SPATA16: variants seen among roughly 807,000 people sequenced by gnomAD.
SPATA16 encodes spermatogenesis-associated protein 16.
Under a neutral mutation model 63.3 loss-of-function variants are expected in SPATA16, and 36 were observed. That is an observed-to-expected ratio of 0.57 (90% CI 0.44 to 0.75). The LOEUF is 0.75. SPATA16 is among the 30% of genes least tolerant of loss of function. The pLI is 0.00. For missense variants in SPATA16, 646 were observed against 679.3 expected (o/e 0.95, Z 0.54); for synonymous variants, 203 against 216.7 (o/e 0.94, Z 0.56).
At chr3:173,046,226 T>C (rs1284396873) in intron 3 of SPATA16, among the ~76,000 whole-genome samples, 1 of 152,064 alleles carries the variant, frequency 6.6e-6, no homozygotes, top group Non-Finnish European at 1.5e-5. Context: ...AGATTGAATG[T>C]ATTAGGAGAG....
chr3:173,030,085 TC>T (rs1241581127), intron 3 of SPATA16, among the ~76,000 whole-genome samples: 3 of 151,348 alleles, frequency 2.0e-5, no homozygotes, highest in African/African-American at 7.3e-5. Flanking sequence ...TATCTATCTA[TC>T]TATCTATCTA....
chr3:173,132,744 G>T (rs1472553413), intron 1 of SPATA16, among the ~76,000 whole-genome samples: 1 of 152,090 alleles, frequency 6.6e-6, no homozygotes, highest in African/African-American at 2.4e-5. Flanking sequence ...ACAAATTAAT[G>T]TAACAAAAAA....
At chr3:173,097,612 C>T (rs914856727) in intron 2 of SPATA16, among the ~76,000 whole-genome samples, 16 of 152,090 alleles carry the variant, frequency 1.1e-4, no homozygotes, top group African/African-American at 3.9e-4. Context: ...CAACATGTTG[C>T]GTCAGCAAGC....
At chr3:172,902,453 C>T (rs1362809736) in intron 10 of SPATA16, among the ~76,000 whole-genome samples, 2 of 152,158 alleles carry the variant, frequency 1.3e-5, no homozygotes, top group Admixed American at 1.3e-4. Flanking sequence ...ATGATTTTGA[C>T]CCCTGTGCCT....
intron 3 of SPATA16, among the ~76,000 whole-genome samples, chr3:173,023,724 T>C (rs1318778474): frequency 6.6e-6 from 1 of 151,742 alleles, no homozygotes. Context: ...GAAGTTTTAC[T>C]AATTACTTGT....
intron 2 of SPATA16, among the ~76,000 whole-genome samples, chr3:173,100,539 A>T (rs1287703855): frequency 2.0e-5 from 3 of 152,058 alleles, no homozygotes; most frequent in Non-Finnish European, 4.4e-5. Context: ...TTGGCATTTT[A>T]AAATATTTAT....
rs145538733 is a variant in SPATA16 at position 173,064,432 on chromosome 3, C to A, written c.613-15338G>T. ...TCCCAGCTTTCATGTACATTTATAG[C>A]AGTATTAAGTATTTTGGCACAAACT... On this transcript the variant is annotated intron_variant, in intron 2 of 10. Coordinates refer to ENST00000351008, the MANE Select transcript of SPATA16 (RefSeq NM_031955.6). Among the ~76,000 whole-genome samples, 823 of 151,214 alleles carry A rather than the reference C, an allele frequency of 5.4e-3. 1 individual carries two copies. The highest frequency in any genetic ancestry group is 8.9e-3 in the Non-Finnish European group (605 of 67,930).
chr3:172,985,471 G>C (rs1262967599), intron 4 of SPATA16, among the ~76,000 whole-genome samples: 1 of 152,078 alleles, frequency 6.6e-6, no homozygotes, highest in South Asian at 2.1e-4. Flanking sequence ...TTCCAATTGG[G>C]CTATCAATAT....
At chr3:172,938,465 T>G (rs1218968032) in intron 6 of SPATA16, among the ~76,000 whole-genome samples, 3 of 152,130 alleles carry the variant, frequency 2.0e-5, no homozygotes, top group Non-Finnish European at 4.4e-5. Context: ...AAAGTCTTAA[T>G]ACAGCACTAT....
At chr3:172,991,436 C>T (rs17759674) in intron 4 of SPATA16, among the ~76,000 whole-genome samples, 9,230 of 152,106 alleles carry the variant, frequency 0.061, 389 homozygotes, top group Non-Finnish European at 0.085. Flanking sequence ...GAACTTTTCC[C>T]CTAAGAGTCT....
intron 2 of SPATA16, among the ~76,000 whole-genome samples, chr3:173,113,847 C>A (rs1737813694): frequency 6.6e-6 from 1 of 152,234 alleles, no homozygotes; most frequent in South Asian, 2.1e-4. Context: ...CCTCTACACA[C>A]TCTTACAGCT....
At chr3:172,892,369 G>A (rs1467141812) in intron 10 of SPATA16, among the ~76,000 whole-genome samples, 1 of 152,146 alleles carries the variant, frequency 6.6e-6, no homozygotes, top group African/African-American at 2.4e-5. Flanking sequence ...TATTAAAAGA[G>A]GGTTGGCCTG....
intron 2 of SPATA16, among the ~76,000 whole-genome samples, chr3:173,090,985 G>C (rs1434415937): frequency 6.6e-6 from 1 of 151,948 alleles, no homozygotes; most frequent in South Asian, 2.1e-4. Flanking sequence ...TCTTAATGTT[G>C]GTTTCAGGCC....
intron 3 of SPATA16, among the ~76,000 whole-genome samples, chr3:173,031,900 C>A (rs984013592): frequency 2.7e-4 from 41 of 152,132 alleles, no homozygotes; most frequent in African/African-American, 9.9e-4. Flanking sequence ...AGAAAAAGAA[C>A]TGCTTTACAA....
At chr3:173,116,201 T>TC (rs1363370455) in intron 2 of SPATA16, among the ~76,000 whole-genome samples, 3 of 152,148 alleles carry the variant, frequency 2.0e-5, no homozygotes. Context: ...CTTTATGGCA[T>TC]CTTTATTTAA....
In SPATA16 at chr3:172,944,626, A is replaced by G. The variant is rs148409938; in HGVS notation, c.1081+12051T>C. On this transcript the variant is annotated intron_variant, in intron 6 of 10. Coordinates refer to ENST00000351008, the MANE Select transcript of SPATA16 (RefSeq NM_031955.6). ...TGGAAAAATAGATAAACAAAATGTG[A>G]TATACACATACAATGGAATATTATT... Among the ~76,000 whole-genome samples the G allele has an allele frequency of 3.1e-3, 467 of 152,368 alleles. 1 individual carries two copies. The highest frequency in any genetic ancestry group is 4.6e-3 in the Non-Finnish European group (310 of 68,028).
intron 2 of SPATA16, among the ~76,000 whole-genome samples, chr3:173,069,112 G>GAAAAAAAGAAAAAAAAAA: frequency 9.2e-6 from 1 of 109,180 alleles, no homozygotes; most frequent in African/African-American, 3.7e-5. Context: ...TCCGTCTCAA[G>GAAAAAAAGAAAAAAAAAA]AAAAAAAAAA....
chr3:172,946,881 TG>T, intron 6 of SPATA16, among the ~76,000 whole-genome samples: 1 of 152,166 alleles, frequency 6.6e-6, no homozygotes, highest in East Asian at 1.9e-4. Context: ...GGGTGGGTCT[TG>T]GGAGGGACCC....
intron 2 of SPATA16, among the ~76,000 whole-genome samples, chr3:173,114,682 G>A (rs1206331959): frequency 6.6e-6 from 1 of 152,154 alleles, no homozygotes; most frequent in African/African-American, 2.4e-5. Context: ...TCAAATACTT[G>A]CAGCATCTAT....
Sources: allele counts gnomAD v4.1 joint callset (sites outside exome capture counted in the v4.1 genomes callset), GRCh38; gene constraint gnomAD v4.1.1; transcripts MANE v1.5; gene names NCBI Gene and HGNC (gene_info 2026-07-23, HGNC 2026-07-21).